The following MMP16 variants were observed in gnomAD, a reference collection of about 807,000 sequenced individuals.
The protein encoded by MMP16 is matrix metallopeptidase 16.
Under a neutral mutation model 67.8 loss-of-function variants are expected in MMP16, and 12 were observed. The observed-to-expected ratio is 0.18, with a 90% CI of 0.11 to 0.29. MMP16 has a LOEUF of 0.29. MMP16 is among the 10% of genes least tolerant of loss of function. The pLI is 1.00. For missense variants in MMP16, 475 were observed against 765.7 expected, an observed-to-expected ratio of 0.62 and a Z score of 4.48; for synonymous variants, 249 against 255.9, an observed-to-expected ratio of 0.97 and a Z score of 0.26.
intron 8 of MMP16, among the ~76,000 whole-genome samples, chr8:88,054,364 G>C (rs1392750940): frequency 6.6e-6 from 1 of 152,064 alleles, no homozygotes; most frequent in Non-Finnish European, 1.5e-5. Context: ...AAAATCAGCT[G>C]GTGAATTTAA....
At position 88,264,510 on chromosome 8, in the gene MMP16, T is replaced by C. The variant is rs144353786; in HGVS notation, c.132+62565A>G. ...CCAGCCATGCCCAGCTACAAGTCCA[T>C]ATTTTTGATCATTTAGAAATATCTC... On this transcript the variant is annotated intron_variant, in intron 1 of 9. Transcript: ENST00000286614. 2.0e-5 allele frequency among the ~76,000 whole-genome samples: 3 copies of C among 152,336 alleles called. No individual in the cohort carries two copies. In the East Asian group the frequency reaches 5.8e-4, roughly 29 times the overall value.
At chr8:88,215,742 G>T (rs1480316532) in intron 1 of MMP16, among the ~76,000 whole-genome samples, 1 of 152,008 alleles carries the variant, frequency 6.6e-6, no homozygotes, top group African/African-American at 2.4e-5. Context: ...ATCTCCTGTA[G>T]TTTTTCTTAA....
In MMP16 at chr8:88,235,916, AG is replaced by A. The variant is rs200907578; in HGVS notation, c.133-38611del. Among the ~76,000 whole-genome samples the A allele has an allele frequency of 1.4e-3, 210 of 151,754 alleles. 1 individual carries two copies. Among genetic ancestry groups the A allele is most frequent in the Middle Eastern group, 0.014 (4 of 292 alleles). ...TCGTCTCTTTTCCTAAAAAAAAAAA[AG>A]TTTCATATATATTATTTTCAAACCT... On this transcript the variant is annotated intron_variant, in intron 1 of 9. Coordinates refer to ENST00000286614, the MANE Select transcript of MMP16 (RefSeq NM_005941.5).
At chr8:88,095,231 G>A (rs1809006024) in intron 6 of MMP16, among the ~76,000 whole-genome samples, 1 of 151,582 alleles carries the variant, frequency 6.6e-6, no homozygotes, top group Non-Finnish European at 1.5e-5. Context: ...TTAAATTTTT[G>A]CAAGTTTATT....
chr8:88,094,208 A>G (rs1301915864), intron 6 of MMP16, among the ~76,000 whole-genome samples: 1 of 151,878 alleles, frequency 6.6e-6, no homozygotes, highest in Non-Finnish European at 1.5e-5. Context: ...GAAATATTCT[A>G]TGATGGTTTC....
At chr8:88,192,655 G>A (rs1389482736) in intron 2 of MMP16, among the ~76,000 whole-genome samples, 2 of 152,006 alleles carry the variant, frequency 1.3e-5, no homozygotes, top group South Asian at 2.1e-4. Context: ...ATATTCCCTT[G>A]GCAATTTAGA....
rs1031530416 is a variant in MMP16, at chr8:88,251,273, T to C, written c.133-53967A>G. Among the ~76,000 whole-genome samples the C allele has an allele frequency of 5.9e-3, 893 of 151,982 alleles. 12 individuals are homozygous for C. Among genetic ancestry groups the C allele is most frequent in the African/African-American group, 0.02 (845 of 41,356 alleles). On this transcript the variant is annotated intron_variant, in intron 1 of 9. Coordinates refer to ENST00000286614, the MANE Select transcript of MMP16 (RefSeq NM_005941.5). ...CAAGGCTACAGGAACCAAAACAGCATGGTACTGGTACCAAAACAGAGATAT... is the reference window on the plus strand; with the variant it reads ...CAAGGCTACAGGAACCAAAACAGCACGGTACTGGTACCAAAACAGAGATAT...
At chr8:88,119,001 C>G in intron 4 of MMP16, 140 bp from the exon 5 acceptor site, 1 of 810,982 alleles carries the variant, frequency 1.2e-6, no homozygotes, top group Non-Finnish European at 1.9e-6. Context: ...GGTTTCATCA[C>G]TGGCTTTCCT....
chr8:88,215,676 C>A (rs1347962647), intron 1 of MMP16, among the ~76,000 whole-genome samples: 6 of 152,158 alleles, frequency 3.9e-5, no homozygotes, highest in Non-Finnish European at 8.8e-5. Context: ...CCTTCCCCTC[C>A]TACTCCTAAG....
chr8:88,236,283 G>A (rs973576209), intron 1 of MMP16, among the ~76,000 whole-genome samples: 1 of 152,216 alleles, frequency 6.6e-6, no homozygotes, highest in African/African-American at 2.4e-5. Context: ...ACTAGTTAAA[G>A]GTATGGCCTC....
chr8:88,157,215 G>T (rs915333808), intron 4 of MMP16, among the ~76,000 whole-genome samples: 3 of 152,080 alleles, frequency 2.0e-5, no homozygotes, highest in Non-Finnish European at 2.9e-5. Flanking sequence ...ATCTGTACCA[G>T]ATATGTACAG....
At chr8:88,223,157 C>T (rs1586212830) in intron 1 of MMP16, among the ~76,000 whole-genome samples, 1 of 152,144 alleles carries the variant, frequency 6.6e-6, no homozygotes, top group Non-Finnish European at 1.5e-5. Context: ...CATCTCACAC[C>T]AGTTAGAATG....
rs1459112023 is a variant in MMP16 at position 88,035,494 on chromosome 8, A to T, written c.*5967T>A. The T allele has an allele frequency of 1.3e-5, 2 of 152,044 alleles. No homozygotes were observed. The highest frequency in any genetic ancestry group is 2.4e-5 in the African/African-American group (1 of 41,436). The allele number at this position is 152,044 out of a possible 1,614,324, so 9.4% of individuals were successfully genotyped here. ...AAATCTCTATAAATAAATGTCTTTC[A>T]TACATAACTTTTTATACTTACTCTG... On this transcript the variant is annotated 3_prime_UTR_variant, in exon 10 of 10. Coordinates refer to ENST00000286614, the MANE Select transcript of MMP16 (RefSeq NM_005941.5). The surrounding 1 kb of genome is among the most constrained non-coding windows in gnomAD (Gnocchi z 4.7).
At chr8:88,323,385 TAAGTA>T (rs1811489281) in intron 1 of MMP16, among the ~76,000 whole-genome samples, 1 of 152,144 alleles carries the variant, frequency 6.6e-6, no homozygotes, top group Non-Finnish European at 1.5e-5. Context: ...TTAAATCAGT[TAAGTA>T]AATATATTGC....
chr8:88,323,943 AAC>A (rs1324553469), intron 1 of MMP16, among the ~76,000 whole-genome samples: 2 of 152,172 alleles, frequency 1.3e-5, no homozygotes, highest in Non-Finnish European at 2.9e-5. Context: ...GTCCAATGAC[AAC>A]AGTTTTTGAC....
chr8:88,084,113 T>C (rs1808796109), intron 6 of MMP16, among the ~76,000 whole-genome samples: 1 of 152,030 alleles, frequency 6.6e-6, no homozygotes, highest in Non-Finnish European at 1.5e-5. Context: ...TGTGTGTATA[T>C]ATGCTAATTT....
rs373547136 is a variant in MMP16 at position 88,046,635 on chromosome 8, A to C, written c.1489+34T>G. The C allele has an allele frequency of 2.4e-4, 330 of 1,397,540 alleles. 1 individual carries two copies. The highest frequency in any genetic ancestry group is 3.1e-4 in the Non-Finnish European group (319 of 1,013,622). The allele number at this position is 1,397,540 out of a possible 1,614,324, so 86.6% of individuals were successfully genotyped here. On this transcript the variant is annotated intron_variant, in intron 9 of 9. Coordinates refer to ENST00000286614, the MANE Select transcript of MMP16 (RefSeq NM_005941.5). Reference sequence around the variant, plus strand: ...AGCCTAATGTGTTACTAAGATAGCAAACTTATGAAATGTAGAAAGCACATG... The same window carrying C: ...AGCCTAATGTGTTACTAAGATAGCACACTTATGAAATGTAGAAAGCACATG...
chr8:88,125,487 T>C (rs1188523560), intron 4 of MMP16, among the ~76,000 whole-genome samples: 3 of 151,962 alleles, frequency 2.0e-5, no homozygotes, highest in African/African-American at 7.2e-5. Context: ...ATTTATAGTA[T>C]TTAATTAAAC....
intron 4 of MMP16, among the ~76,000 whole-genome samples, chr8:88,158,171 CT>C (rs1808547623): frequency 6.6e-6 from 1 of 152,106 alleles, no homozygotes. Context: ...ATTTATAGTC[CT>C]TTGGGTATAT....
Sources: gnomAD v4.1 joint callset for allele counts (sites outside exome capture counted in the v4.1 genomes callset) on GRCh38, gnomAD v4.1.1 for gene constraint, Gnocchi (gnomAD v3.1) non-coding constraint, MANE v1.5 for transcripts, NCBI Gene and HGNC (gene_info 2026-07-23, HGNC 2026-07-21) for gene names.